Variants in ZNF83 observed in about 807,000 individuals in gnomAD.
The protein encoded by ZNF83 is zinc finger protein 83, also known as zinc finger protein 816B.
For missense variants in ZNF83, 552 were observed against 629.9 expected, an observed-to-expected ratio of 0.88 and a Z score of 1.32; for synonymous variants, 209 against 213.0, an observed-to-expected ratio of 0.98 and a Z score of 0.17.
chr19:52,624,365 C>A (rs1310856045), intron 2 of ZNF83, among the ~76,000 whole-genome samples: 1 of 152,194 alleles, frequency 6.6e-6, no homozygotes, highest in Non-Finnish European at 1.5e-5. Flanking sequence ...GCTATCCCTG[C>A]CAACTGTGTC....
At chr19:52,689,299 C>T (rs2147390868) in intron 1 of ZNF83, among the ~76,000 whole-genome samples, 1 of 152,262 alleles carries the variant, frequency 6.6e-6, no homozygotes, top group Middle Eastern at 3.4e-3. Context: ...CTCCATTCTT[C>T]AGTTTCCCCT....
chr19:52,657,785 T>G (rs1240984729), intron 2 of ZNF83, among the ~76,000 whole-genome samples: 1 of 151,468 alleles, frequency 6.6e-6, no homozygotes. Context: ...AGGTGGAGGT[T>G]GCAGTGAGCC....
exon 3 of ZNF83, chr19:52,613,582 T>C (rs7248193): frequency 1.2e-6 from 2 of 1,613,696 alleles, no homozygotes; most frequent in Non-Finnish European, 1.7e-6. Flanking sequence ...GGATGACTTG[T>C]GACTGAAGAC....
chr19:52,625,482 A>G (rs1047684618), intron 2 of ZNF83, among the ~76,000 whole-genome samples: 1 of 152,092 alleles, frequency 6.6e-6, no homozygotes, highest in Non-Finnish European at 1.5e-5. Context: ...TGTATCTCTC[A>G]GCAAAGACCC....
chr19:52,625,409 T>A (rs1036127801), intron 2 of ZNF83, among the ~76,000 whole-genome samples: 1 of 152,100 alleles, frequency 6.6e-6, no homozygotes, highest in Non-Finnish European at 1.5e-5. Context: ...TTATGTCAAG[T>A]CTACTCCCCC....
At chr19:52,687,559 T>A (rs1311737307) in intron 1 of ZNF83, among the ~76,000 whole-genome samples, 1 of 42,108 alleles carries the variant, frequency 2.4e-5, no homozygotes, top group Non-Finnish European at 4.4e-5. Flanking sequence ...TATGTGTAAA[T>A]TTTATATATA....
chr19:52,657,970 C>G (rs2061528915), intron 2 of ZNF83, among the ~76,000 whole-genome samples: 1 of 151,692 alleles, frequency 6.6e-6, no homozygotes, highest in South Asian at 2.1e-4. Context: ...AACTCTGTCT[C>G]TACTAAAAAT....
At chr19:52,678,497 T>C (rs1440802815) in intron 1 of ZNF83, among the ~76,000 whole-genome samples, 1 of 151,676 alleles carries the variant, frequency 6.6e-6, no homozygotes, top group Non-Finnish European at 1.5e-5. Flanking sequence ...GGGTAAATCT[T>C]GTTTCTTATG....
At chr19:52,674,349 C>T (rs951092616) in intron 1 of ZNF83, 2 of 152,198 alleles carry the variant, frequency 1.3e-5, no homozygotes, top group Admixed American at 1.3e-4. Flanking sequence ...AAATTGAATG[C>T]TTTTCCTGTA....
In ZNF83 at chr19:52,689,405, T is replaced by C. The variant is rs568727490; in HGVS notation, c.-283+1038A>G. Among the ~76,000 whole-genome samples the C allele has an allele frequency of 3.6e-3, 552 of 152,016 alleles. 3 individuals carry two copies. Among genetic ancestry groups the C allele is most frequent in the African/African-American group, 0.012 (506 of 41,464 alleles). On this transcript the variant is annotated intron_variant, in intron 1 of 5. Transcript: ENST00000594682. ...CTGTTATACCCTCATCCCCACTCTC[T>C]AGCACTCCAGATCCCCAGGTGTCCT...
intron 2 of ZNF83, among the ~76,000 whole-genome samples, chr19:52,656,389 G>A (rs2061505247): frequency 6.6e-6 from 1 of 152,054 alleles, no homozygotes; most frequent in African/African-American, 2.4e-5. Flanking sequence ...GGGCATGGTG[G>A]GGGAATGTGC....
chr19:52,653,560 C>T (rs1159281264), intron 3 of ZNF83, among the ~76,000 whole-genome samples: 2 of 152,124 alleles, frequency 1.3e-5, no homozygotes, highest in African/African-American at 2.4e-5. Flanking sequence ...ACATCCTTCA[C>T]ATTTGTAAGG....
At chr19:52,630,159 T>C (rs547021287) in intron 2 of ZNF83, among the ~76,000 whole-genome samples, 369 of 152,256 alleles carry the variant, frequency 2.4e-3, no homozygotes, top group Non-Finnish European at 4.1e-3. Flanking sequence ...TTCAACTCAC[T>C]TGGCAACCAC....
upstream of ZNF83, among the ~76,000 whole-genome samples, chr19:52,641,096 T>A (rs537281778): frequency 1.4e-5 from 2 of 139,312 alleles, no homozygotes; most frequent in African/African-American, 2.7e-5. Flanking sequence ...AAGATGACGA[T>A]AACCCTCTGG....
upstream of ZNF83, among the ~76,000 whole-genome samples, chr19:52,643,043 A>C (rs1395586211): frequency 6.6e-6 from 1 of 152,142 alleles, no homozygotes; most frequent in Non-Finnish European, 1.5e-5. Context: ...AATCCCAGCT[A>C]CTGGGGAGAC....
At chr19:52,646,040 A>G (rs556513349) in intron 3 of ZNF83, among the ~76,000 whole-genome samples, 1 of 152,130 alleles carries the variant, frequency 6.6e-6, no homozygotes, top group East Asian at 2.0e-4. Flanking sequence ...CCCAGGTTCA[A>G]GTGATTCTCG....
intron 2 of ZNF83, among the ~76,000 whole-genome samples, chr19:52,616,498 G>A (rs2060309429): frequency 6.6e-6 from 1 of 152,140 alleles, no homozygotes; most frequent in East Asian, 1.9e-4. Flanking sequence ...GGATATACTG[G>A]ATAAAGAAAA....
intron 2 of ZNF83, among the ~76,000 whole-genome samples, chr19:52,616,257 G>A (rs1015212007): frequency 6.6e-6 from 1 of 152,190 alleles, no homozygotes; most frequent in East Asian, 1.9e-4. Context: ...TTCAAATAGA[G>A]TAGGTCCACC....
exon 3 of ZNF83, chr19:52,614,578 A>G (rs766235912): frequency 3.8e-6 from 6 of 1,565,212 alleles, no homozygotes; most frequent in East Asian, 2.3e-5. Flanking sequence ...TCTTCTACCA[A>G]TGAGACTTTC....
Sources: gnomAD v4.1 joint callset for allele counts (sites outside exome capture counted in the v4.1 genomes callset) on GRCh38, gnomAD v4.1.1 for gene constraint, MANE v1.5 for transcripts, NCBI Gene and HGNC (gene_info 2026-07-23, HGNC 2026-07-21) for gene names.